Variants in TM2D1 observed in about 807,000 individuals in gnomAD.
TM2D1 encodes the protein TM2 domain-containing protein 1.
A neutral mutation model predicts 28.4 loss-of-function variants in TM2D1; 15 were observed. The ratio of observed to expected loss-of-function variants is 0.53; its 90% confidence interval spans 0.35 to 0.81. TM2D1 has a LOEUF of 0.81. Ranked by LOEUF, TM2D1 falls within the 40% of genes least tolerant of loss-of-function variation. The probability of loss-of-function intolerance (pLI) is 0.01; values close to 1 mark genes in which losing one functional copy is unlikely to be tolerated. For missense variants in TM2D1, 236 were observed against 254.9 expected (o/e 0.93, Z 0.50); for synonymous variants, 93 against 96.2 (o/e 0.97, Z 0.20).
intron 3 of TM2D1, 124 bp from the exon 4 acceptor site, chr1:61,701,149 T>G: frequency 1.5e-6 from 1 of 679,962 alleles, no homozygotes; most frequent in Non-Finnish European, 2.5e-6. Context: ...AGATGCCTCC[T>G]GTGTGTCAGG....
intron 2 of TM2D1, among the ~76,000 whole-genome samples, chr1:61,713,857 T>C (rs1373204128): frequency 1.3e-5 from 2 of 151,674 alleles, no homozygotes; most frequent in African/African-American, 2.4e-5. Context: ...CAGGTTTCTG[T>C]ACAAAACTTT....
chr1:61,709,499 G>T, intron 2 of TM2D1, 62 bp from the exon 3 acceptor site: 2 of 1,156,414 alleles, frequency 1.7e-6, no homozygotes, highest in Non-Finnish European at 2.6e-6. Flanking sequence ...GTATGTAATT[G>T]TTCTAAGACT....
At position 61,723,722 on chromosome 1, in the gene TM2D1, T is replaced by TGTAGTTTGTACAGTTAACTG; in HGVS notation, c.209_228dup (p.Thr77GlnfsTer19). Reference sequence around the variant, plus strand: ...TTTCTTGAAGTCTTACCATGAGCTGTGTAGTTTGTACAGTTAACTGGTTCT... The same window carrying TGTAGTTTGTACAGTTAACTG: ...TTTCTTGAAGTCTTACCATGAGCTGTGTAGTTTGTACAGTTAACTGGTAGTTTGTACAGTTAACTGGTTCT... On this transcript the variant is annotated frameshift_variant, in exon 2 of 7. Coordinates refer to ENST00000606498, the MANE Select transcript of TM2D1 (RefSeq NM_032027.3). LOFTEE classifies it high-confidence loss of function. The TGTAGTTTGTACAGTTAACTG allele has an allele frequency of 6.5e-7, 1 of 1,541,026 alleles. No individual in the cohort carries two copies. Among genetic ancestry groups the TGTAGTTTGTACAGTTAACTG allele is most frequent in the Non-Finnish European group, 8.8e-7 (1 of 1,132,958 alleles).
intron 5 of TM2D1, among the ~76,000 whole-genome samples, chr1:61,684,579 T>C (rs1644269939): frequency 6.6e-6 from 1 of 152,206 alleles, no homozygotes; most frequent in Non-Finnish European, 1.5e-5. Flanking sequence ...CATTCTACCG[T>C]ATCTGTTCCA....
intron 4 of TM2D1, chr1:61,700,238 G>A (rs1231747740): frequency 6.6e-7 from 1 of 1,525,194 alleles, no homozygotes; most frequent in East Asian, 2.5e-5. Flanking sequence ...TCTAGACTCA[G>A]TAAATCCCTT....
At chr1:61,693,825 C>T (rs539629146) in intron 5 of TM2D1, among the ~76,000 whole-genome samples, 2 of 152,308 alleles carry the variant, frequency 1.3e-5, no homozygotes, top group Admixed American at 6.5e-5. Flanking sequence ...TTGCTAAAGA[C>T]GTTAGGTGCT....
At chr1:61,720,484 C>T (rs904866756) in intron 2 of TM2D1, among the ~76,000 whole-genome samples, 24 of 152,090 alleles carry the variant, frequency 1.6e-4, no homozygotes, top group African/African-American at 4.6e-4. Flanking sequence ...TCACATGATC[C>T]GCACACCTCA....
intron 5 of TM2D1, among the ~76,000 whole-genome samples, chr1:61,690,759 G>A (rs1644318313): frequency 1.3e-5 from 2 of 152,114 alleles, no homozygotes. Context: ...TGTGTGAAAA[G>A]TCAAATCCAT....
intron 2 of TM2D1, among the ~76,000 whole-genome samples, chr1:61,713,169 C>CAAA (rs1302684596): frequency 2.0e-5 from 2 of 100,840 alleles, no homozygotes; most frequent in African/African-American, 3.6e-5. Flanking sequence ...GACTCCACCT[C>CAAA]AAAAAAAAAA....
intron 2 of TM2D1, among the ~76,000 whole-genome samples, chr1:61,717,315 C>A (rs1450918219): frequency 6.6e-6 from 1 of 151,736 alleles, no homozygotes; most frequent in Non-Finnish European, 1.5e-5. Flanking sequence ...TTGCAGTGAG[C>A]CGAGATAGTG....
In TM2D1 at chr1:61,691,932, A is replaced by AAATATATATATAT; in HGVS notation, c.513+2764_513+2765insATATATATATATT. Among the ~76,000 whole-genome samples, 330 of 76,274 alleles carry AAATATATATATAT rather than the reference A, an allele frequency of 4.3e-3. 1 individual carries two copies. The highest frequency in any genetic ancestry group is 0.011 in the Middle Eastern group (1 of 94). The allele number at this position is 76,274 out of a possible 152,430, so 50.0% of individuals were successfully genotyped here. On this transcript the variant is annotated intron_variant, in intron 5 of 6. Transcript: ENST00000606498. ...TCTCAAAAAAAACTTAAAAAAAAAA[A>AAATATATATATAT]ATATATATATATATATATATATATA...
chr1:61,686,874 G>T, intron 5 of TM2D1: 1 of 938,400 alleles, frequency 1.1e-6, no homozygotes, highest in Non-Finnish European at 1.3e-6. Flanking sequence ...AATGAGTTAT[G>T]ATCACGCCAC....
chr1:61,703,278 T>G (rs1644415930), intron 3 of TM2D1, among the ~76,000 whole-genome samples: 1 of 146,960 alleles, frequency 6.8e-6, no homozygotes, highest in African/African-American at 2.5e-5. Context: ...TTTTATATAT[T>G]ATATATGAAG....
intron 2 of TM2D1, among the ~76,000 whole-genome samples, chr1:61,710,697 T>C (rs578235248): frequency 7.2e-5 from 11 of 151,844 alleles, no homozygotes; most frequent in Non-Finnish European, 1.6e-4. Context: ...GCATCAAGAA[T>C]TACATATTTT....
intron 5 of TM2D1, among the ~76,000 whole-genome samples, chr1:61,689,079 T>G (rs1023034207): frequency 4.6e-5 from 7 of 152,170 alleles, no homozygotes; most frequent in African/African-American, 1.7e-4. Context: ...TATATATTGT[T>G]GTCCTACATC....
intron 4 of TM2D1, among the ~76,000 whole-genome samples, chr1:61,697,257 T>C (rs1042925100): frequency 2.0e-5 from 3 of 152,202 alleles, no homozygotes; most frequent in Non-Finnish European, 4.4e-5. Flanking sequence ...TCAAGTTTTT[T>C]TTTTAACAGT....
chr1:61,709,041 C>G (rs1286322701), intron 3 of TM2D1, among the ~76,000 whole-genome samples: 1 of 152,044 alleles, frequency 6.6e-6, no homozygotes, highest in African/African-American at 2.4e-5. Flanking sequence ...TGGCACAAAC[C>G]TGTACTCCAG....
intron 2 of TM2D1, among the ~76,000 whole-genome samples, chr1:61,711,168 T>A (rs778295863): frequency 6.8e-6 from 1 of 147,602 alleles, no homozygotes; most frequent in East Asian, 2.0e-4. Flanking sequence ...CGAAAACCCA[T>A]CTCTACAAAA....
intron 2 of TM2D1, among the ~76,000 whole-genome samples, chr1:61,721,736 T>C (rs980870559): frequency 2.0e-5 from 3 of 151,778 alleles, no homozygotes; most frequent in Non-Finnish European, 4.4e-5. Flanking sequence ...GCATGTTTCA[T>C]GAGCTATTTT....
Sources: allele counts gnomAD v4.1 joint callset (sites outside exome capture counted in the v4.1 genomes callset), GRCh38; gene constraint gnomAD v4.1.1; transcripts MANE v1.5; gene names NCBI Gene and HGNC (gene_info 2026-07-23, HGNC 2026-07-21).